C5: variants seen among roughly 807,000 people sequenced by gnomAD.
C5 encodes C3 and PZP-like alpha-2-macroglobulin domain-containing protein 4.
Under a neutral mutation model 218.8 loss-of-function variants are expected in C5, and 140 were observed. The observed-to-expected ratio is 0.64, with a 90% CI of 0.56 to 0.74. C5 has a LOEUF of 0.74. Ranked by LOEUF, C5 falls within the 30% of genes least tolerant of loss-of-function variation. The pLI is 0.00. For missense variants in C5, 1,700 were observed against 1,969.6 expected, an observed-to-expected ratio of 0.86 and a Z score of 2.59; for synonymous variants, 614 against 682.3, an observed-to-expected ratio of 0.90 and a Z score of 1.56.
At chr9:120,967,411 G>A (rs2046876805) in intron 33 of C5, among the ~76,000 whole-genome samples, 1 of 152,114 alleles carries the variant, frequency 6.6e-6, no homozygotes, top group African/African-American at 2.4e-5. Context: ...AAAACAAGAG[G>A]ATTATGATAT....
chr9:120,986,744 G>T (rs1022909812), intron 25 of C5, among the ~76,000 whole-genome samples: 3 of 149,582 alleles, frequency 2.0e-5, no homozygotes, highest in Non-Finnish European at 2.9e-5. Flanking sequence ...TGCTGCAGGG[G>T]TCTATGAGCC....
At position 120,996,070 on chromosome 9, in the gene C5, C is replaced by T. The variant is rs1202599043; in HGVS notation, c.2851+170G>A. 2.6e-5 allele frequency among the ~76,000 whole-genome samples: 4 copies of T among 152,090 alleles called. No individual in the cohort carries two copies. In the South Asian group the frequency reaches 6.2e-4, roughly 24 times the overall value. ...CTGACCTCAAATGATCCACCCACCT[C>T]GGCCTCCCAAAGTGCTAGGATTACA... On this transcript the variant is annotated intron_variant, in intron 22 of 40. Coordinates refer to ENST00000223642, the MANE Select transcript of C5 (RefSeq NM_001735.3).
chr9:120,973,662 C>A (rs1365404054), intron 30 of C5, among the ~76,000 whole-genome samples: 1 of 152,034 alleles, frequency 6.6e-6, no homozygotes. Flanking sequence ...GTATGGGCCA[C>A]CAGTTTGCAA....
chr9:120,969,508 C>A (rs1317989811), intron 32 of C5, among the ~76,000 whole-genome samples: 1 of 152,124 alleles, frequency 6.6e-6, no homozygotes, highest in Non-Finnish European at 1.5e-5. Flanking sequence ...AGGGCAGAGG[C>A]AGCAACATTC....
chr9:120,984,696 A>G (rs981115937), intron 25 of C5, among the ~76,000 whole-genome samples: 11 of 145,410 alleles, frequency 7.6e-5, no homozygotes, highest in African/African-American at 2.2e-4. Flanking sequence ...GTAAGTATTC[A>G]ATAGGTATAA....
intron 30 of C5, among the ~76,000 whole-genome samples, chr9:120,972,406 T>G (rs145410345): frequency 2.9e-4 from 44 of 152,286 alleles, no homozygotes; most frequent in African/African-American, 1.1e-3. Flanking sequence ...GCAGGGAACC[T>G]CCACATAACT....
Position 121,032,215 on chromosome 9 carries a change from A to C in C5, c.585-20T>G. ...CCATATCTGTGGAAGCAAAATATTT[A>C]AAATTATAGATGTCATCAAATGTTT... On this transcript the variant is annotated intron_variant, in intron 5 of 40. Coordinates refer to ENST00000223642, the MANE Select transcript of C5 (RefSeq NM_001735.3). The C allele has an allele frequency of 7.2e-7, 1 of 1,392,642 alleles. No homozygotes were observed. The allele number at this position is 1,392,642 out of a possible 1,614,324, so 86.3% of individuals were successfully genotyped here. A position where few individuals can be genotyped will look rare whatever the true frequency, so the allele number is the denominator to read the frequency against.
At chr9:121,043,466 G>GT in intron 2 of C5, among the ~76,000 whole-genome samples, 1 of 151,838 alleles carries the variant, frequency 6.6e-6, no homozygotes. Flanking sequence ...CACTCAATTA[G>GT]TTTGCTGGGT....
Position 121,034,795 on chromosome 9 carries a change from T to C in C5, c.584+8A>G. 1 of 1,477,534 alleles carries C rather than the reference T, an allele frequency of 6.8e-7. No homozygotes were observed. The highest frequency in any genetic ancestry group is 9.5e-7 in the Non-Finnish European group (1 of 1,057,314). 91.5% of individuals were successfully genotyped at this position (1,477,534 alleles called of 1,614,324 possible). On this transcript the variant is annotated splice_region_variant and intron_variant, in intron 5 of 40. Transcript: ENST00000223642. ...TATGTGGTTTTATTAACAACTATTT[T>C]TACATACCTAGGATTAGACGGAATC...
At chr9:121,024,247 A>G (rs1230756888) in intron 9 of C5, among the ~76,000 whole-genome samples, 2 of 486 alleles carry the variant, frequency 4.1e-3, no homozygotes, top group Admixed American at 0.019. Flanking sequence ...GGGAGGGGGG[A>G]GGGGGAGGGG....
intron 8 of C5, chr9:121,025,793 A>ACAT: frequency 2.1e-6 from 1 of 485,440 alleles, no homozygotes; most frequent in Non-Finnish European, 3.7e-6. Flanking sequence ...AGGGTCTTGA[A>ACAT]CATCACATGG....
chr9:120,978,248 A>T (rs76481162), intron 28 of C5, among the ~76,000 whole-genome samples: 4 of 152,148 alleles, frequency 2.6e-5, no homozygotes, highest in Admixed American at 6.5e-5. Context: ...TATTTGTTTT[A>T]AAAAAAGTAA....
At chr9:121,073,511 CTTTTT>C in the C5 span, among the ~76,000 whole-genome samples, 14 of 73,010 alleles carry the variant, frequency 1.9e-4, no homozygotes, top group South Asian at 5.4e-3. Flanking sequence ...GAAAACTGGA[CTTTTT>C]TTTTTTTTTT....
intron 9 of C5, among the ~76,000 whole-genome samples, chr9:121,023,846 T>C (rs909517204): frequency 1.3e-5 from 2 of 152,036 alleles, no homozygotes; most frequent in African/African-American, 2.4e-5. Context: ...TTCAGTTGAC[T>C]GTATTCAAGG....
At chr9:120,979,101 C>A (rs575468102) in intron 28 of C5, among the ~76,000 whole-genome samples, 44 of 152,334 alleles carry the variant, frequency 2.9e-4, no homozygotes, top group African/African-American at 1.0e-3. Flanking sequence ...TGCTCCCTCA[C>A]TTTTTCCTTA....
At chr9:120,957,117 T>C in intron 39 of C5, 168 bp downstream of exon 39, 4 of 564,618 alleles carry the variant, frequency 7.1e-6, no homozygotes, top group South Asian at 1.9e-5. Flanking sequence ...GAAATATTTA[T>C]ACGAACATCT....
chr9:120,995,903 C>T (rs2047112940), intron 22 of C5, among the ~76,000 whole-genome samples: 1 of 150,908 alleles, frequency 6.6e-6, no homozygotes, highest in Non-Finnish European at 1.5e-5. Flanking sequence ...ACTGTAACCT[C>T]CACCTCTCAG....
At chr9:120,967,669 C>T (rs1297586617) in intron 33 of C5, among the ~76,000 whole-genome samples, 1 of 152,100 alleles carries the variant, frequency 6.6e-6, no homozygotes, top group African/African-American at 2.4e-5. Context: ...TGTGTGATCA[C>T]CAAAGCCAAA....
chr9:121,013,873 G>GT lies in C5; in HGVS notation c.2256dup (p.His753ThrfsTer40). ...TTCTGATAGAAAATGTCATACTTACGTAGCCTTCCCAATTGCATGTCTTTA... is the reference window on the plus strand; with the variant it reads ...TTCTGATAGAAAATGTCATACTTACGTTAGCCTTCCCAATTGCATGTCTTTA... On this transcript the variant is annotated frameshift_variant and splice_region_variant, in exon 17 of 41. Coordinates refer to ENST00000223642, the MANE Select transcript of C5 (RefSeq NM_001735.3). LOFTEE classifies it high-confidence loss of function. 1 of 1,612,930 alleles carries GT rather than the reference G, an allele frequency of 6.2e-7. No homozygotes were observed. Among genetic ancestry groups the GT allele is most frequent in the East Asian group, 2.2e-5 (1 of 44,876 alleles).
Sources: allele counts gnomAD v4.1 joint callset (sites outside exome capture counted in the v4.1 genomes callset), GRCh38; gene constraint gnomAD v4.1.1; transcripts MANE v1.5; gene names NCBI Gene and HGNC (gene_info 2026-07-23, HGNC 2026-07-21).